Variants in MGAT4D observed in about 807,000 individuals in gnomAD.
The protein encoded by MGAT4D is alpha-1,3-mannosyl-glycoprotein 4-beta-N-acetylglucosaminyltransferase-like protein MGAT4D.
A neutral mutation model predicts 15.9 loss-of-function variants in MGAT4D; 34 were observed. The ratio of observed to expected loss-of-function variants is 2.14; its 90% CI spans 1.62 to 2.84. MGAT4D has a LOEUF of 2.84. Among genes scored for constraint, MGAT4D ranks in the 30% most tolerant of loss-of-function variants. MGAT4D has a pLI of 0.00. For synonymous variants in MGAT4D, 112 were observed against 48.2 expected (o/e 2.33, Z -5.49); for missense variants, 327 against 140.2 (o/e 2.33, Z -6.73).
intron 2 of MGAT4D, among the ~76,000 whole-genome samples, chr4:140,479,988 G>A (rs1159076096): frequency 6.6e-6 from 1 of 152,114 alleles, no homozygotes; most frequent in South Asian, 2.1e-4. Flanking sequence ...ACTTTGCTTT[G>A]TAGCCCCTAA....
intron 9 of MGAT4D, among the ~76,000 whole-genome samples, chr4:140,453,481 A>ATAT (rs1249170316): frequency 6.6e-6 from 1 of 151,964 alleles, no homozygotes; most frequent in Non-Finnish European, 1.5e-5. Flanking sequence ...ACATATAGAT[A>ATAT]TATAAATATT....
At chr4:140,461,670 T>C (rs1049479609) in intron 7 of MGAT4D, among the ~76,000 whole-genome samples, 2 of 152,134 alleles carry the variant, frequency 1.3e-5, no homozygotes, top group African/African-American at 4.8e-5. Flanking sequence ...CAGGTAACTA[T>C]AATTTTCTCT....
chr4:140,492,727 G>C (rs1206968084), intron 1 of MGAT4D, among the ~76,000 whole-genome samples: 2 of 152,056 alleles, frequency 1.3e-5, no homozygotes, highest in Non-Finnish European at 2.9e-5. Context: ...CACAAGTCTT[G>C]CCTGTCCAGC....
intron 10 of MGAT4D, 57 bp downstream of exon 10, chr4:140,451,353 T>A: frequency 2.0e-6 from 1 of 495,488 alleles, no homozygotes; most frequent in East Asian, 3.1e-5. Flanking sequence ...TTCTAAATAG[T>A]ATTTTATAAG....
At position 140,498,122 on chromosome 4, in the gene MGAT4D, C is replaced by T; in HGVS notation, c.94+7G>A. On this transcript the variant is annotated splice_region_variant and intron_variant, in intron 1 of 10. Coordinates refer to ENST00000511113, the MANE Select transcript of MGAT4D (RefSeq NM_001277353.2). ...GAAAGGAGGCGGGAGGAGGGCCCGC[C>T]GCTTACTGGTTTGAGTTATCCTGTA... 2 of 697,414 alleles carry T rather than the reference C, an allele frequency of 2.9e-6. No individual in the cohort carries two copies. The highest frequency in any genetic ancestry group is 5.2e-6 in the Non-Finnish European group (2 of 382,552). The allele number at this position is 697,414 out of a possible 1,614,324, so 43.2% of individuals were successfully genotyped here.
Position 140,442,290 on chromosome 4 carries a change from G to T in MGAT4D, c.*1146C>A, listed in dbSNP as rs1311274936. The T allele has an allele frequency of 6.6e-6, 1 of 152,074 alleles. No homozygotes were observed. The highest frequency in any genetic ancestry group is 1.5e-5 in the Non-Finnish European group (1 of 68,012). 9.4% of individuals were successfully genotyped at this position (152,074 alleles called of 1,614,324 possible). A position where few individuals can be genotyped will look rare whatever the true frequency, so the allele number is the denominator to read the frequency against. ...GTCTTTCATATTATCTTTATAAATT[G>T]GTATTTGATACAGTTCATACTGAGG... On this transcript the variant is annotated 3_prime_UTR_variant, in exon 11 of 11. Transcript: ENST00000511113.
intron 1 of MGAT4D, among the ~76,000 whole-genome samples, chr4:140,495,980 G>C (rs1014024638): frequency 6.6e-6 from 1 of 152,138 alleles, no homozygotes; most frequent in African/African-American, 2.4e-5. Context: ...TGATCCACCT[G>C]CCTCAGTCTC....
rs765868115 is a variant in MGAT4D at position 140,471,799 on chromosome 4, G to T, written c.548C>A (p.Ser183Tyr). The T allele has an allele frequency of 8.1e-6, 4 of 492,546 alleles. No homozygotes were observed. Among genetic ancestry groups the T allele is most frequent in the South Asian group, 2.3e-5 (1 of 42,810 alleles). 30.5% of individuals were successfully genotyped at this position (492,546 alleles called of 1,614,324 possible). A position where few individuals can be genotyped will look rare whatever the true frequency, so the allele number is the denominator to read the frequency against. Residue 183 changes from serine to tyrosine, a missense_variant, in exon 5 of 11, where the codon TCT (serine) becomes TAT (tyrosine). Coordinates refer to ENST00000511113, the MANE Select transcript of MGAT4D (RefSeq NM_001277353.2). ...VADSNEDYLH[S>Y]VVKMITKKFK... ...CTTTTTTGTAATCATTTTAACAACA[G>T]AATGTAAATAATCTTCATTACTCTA...
intron 1 of MGAT4D, 104 bp downstream of exon 1, chr4:140,498,025 T>G: frequency 1.8e-6 from 1 of 558,884 alleles, no homozygotes; most frequent in East Asian, 3.4e-5. Context: ...CGCCGCCAGC[T>G]TCCCGCATCG....
rs1243738858 is a variant in MGAT4D at position 140,479,616 on chromosome 4, C to T, written c.265G>A (p.Ala89Thr). Residue 89 changes from alanine (A) to threonine (T), a missense_variant, in exon 3 of 11, where the codon GCA becomes ACA. Ala to Thr is a moderately conservative substitution (Grantham distance 58). Transcript: ENST00000511113. Reference sequence around the variant, plus strand: ...GTTTCATTTTTATTTAATATGTCTGCTTTCTGTGCAACTGAAAGAAAAAAA... The same window carrying T: ...GTTTCATTTTTATTTAATATGTCTGTTTTCTGTGCAACTGAAAGAAAAAAA... ...ILSGNLVAQK[A>T]DILNKNETVS... is the part of the protein sequence containing the mutation. 1 of 475,096 alleles carries T rather than the reference C, an allele frequency of 2.1e-6. No individual in the cohort carries two copies. Among genetic ancestry groups the T allele is most frequent in the East Asian group, 3.5e-5 (1 of 28,676 alleles). 29.4% of individuals were successfully genotyped at this position (475,096 alleles called of 1,614,324 possible).
At chr4:140,471,322 T>A (rs1004819142) in intron 5 of MGAT4D, among the ~76,000 whole-genome samples, 3 of 151,824 alleles carry the variant, frequency 2.0e-5, no homozygotes, top group Non-Finnish European at 4.4e-5. Context: ...TCAAGTTGTA[T>A]CACCTATTTG....
At chr4:140,450,057 A>G (rs1730376596) in intron 10 of MGAT4D, 2 of 327,624 alleles carry the variant, frequency 6.1e-6, no homozygotes, top group South Asian at 1.8e-4. Context: ...TTATGTCATT[A>G]TTTCCAAAGA....
chr4:140,444,949 T>G (rs1160325704), intron 10 of MGAT4D, among the ~76,000 whole-genome samples: 2 of 152,096 alleles, frequency 1.3e-5, no homozygotes, highest in Non-Finnish European at 2.9e-5. Context: ...TGGTGCGATC[T>G]TGGCCCACTG....
At chr4:140,478,303 CTG>C (rs1732473725) in intron 3 of MGAT4D, among the ~76,000 whole-genome samples, 1 of 152,230 alleles carries the variant, frequency 6.6e-6, no homozygotes, top group South Asian at 2.1e-4. Flanking sequence ...TCCTTTCACT[CTG>C]TGTCATGGGC....
chr4:140,495,518 C>T (rs1316989500), intron 1 of MGAT4D, among the ~76,000 whole-genome samples: 1 of 152,122 alleles, frequency 6.6e-6, no homozygotes, highest in Admixed American at 6.5e-5. Flanking sequence ...ATTTATTCAT[C>T]CAATATTTAG....
chr4:140,443,541 T>C (rs1219303552), intron 10 of MGAT4D, 97 bp from the exon 11 acceptor site: 5 of 411,334 alleles, frequency 1.2e-5, no homozygotes, highest in Admixed American at 4.3e-5. Context: ...TATTATTTCC[T>C]TATTGTATCC....
At chr4:140,467,168 T>A (rs1240831039) in intron 5 of MGAT4D, among the ~76,000 whole-genome samples, 1 of 152,032 alleles carries the variant, frequency 6.6e-6, no homozygotes, top group Admixed American at 6.6e-5. Flanking sequence ...GGCTGCCCTC[T>A]GATTTTATGA....
Position 140,479,523 on chromosome 4 carries a change from G to T in MGAT4D, c.358C>A (p.Pro120Thr). ...PHLRKEGRIY[P>T]DVIIGKGKTG... is the part of the protein sequence containing the mutation. ...TTCCCTTTGCCAATGATTACATCAG[G>T]ATAAATTCTACCTTCTTTCCTTAGA... The change falls in exon 3 of 11, where the codon CCT becomes ACT. Residue 120 changes from proline (P) to threonine (T), a missense_variant. By Grantham distance (38) the Pro-to-Thr change is conservative. Transcript: ENST00000511113. 1.8e-6 allele frequency: 1 copy of T among 551,640 alleles called. No individual in the cohort carries two copies. 34.2% of individuals were successfully genotyped at this position (551,640 alleles called of 1,614,324 possible). A position where few individuals can be genotyped will look rare whatever the true frequency, so the allele number is the denominator to read the frequency against.
chr4:140,458,285 A>T (rs949999080), intron 8 of MGAT4D: 1 of 151,238 alleles, frequency 6.6e-6, no homozygotes, highest in Admixed American at 6.6e-5. Context: ...CTTCTTTCAA[A>T]GTCTTTTGGT....
Sources: gnomAD v4.1 joint callset for allele counts (sites outside exome capture counted in the v4.1 genomes callset) on GRCh38, gnomAD v4.1.1 for gene constraint, MANE v1.5 for transcripts, NCBI Gene and HGNC (gene_info 2026-07-23, HGNC 2026-07-21) for gene names.